The following ANXA3 variants were observed in gnomAD, a reference collection of about 807,000 sequenced individuals.
ANXA3 encodes annexin A3, also known as 35-alpha calcimedin.
In ANXA3, 46 loss-of-function variants were observed where a neutral mutation model predicts 48.8. The observed-to-expected ratio is 0.94, with a 90% CI of 0.74 to 1.21. The LOEUF (loss-of-function observed/expected upper bound fraction) is 1.21, where lower values mean the gene tolerates loss of function less well. ANXA3 is among the 50% of genes most tolerant of loss of function. ANXA3 has a pLI of 0.00. For synonymous variants in ANXA3, 128 were observed against 134.7 expected, an observed-to-expected ratio of 0.95 and a Z score of 0.35; for missense variants, 383 against 378.6, an observed-to-expected ratio of 1.01 and a Z score of -0.10.
chr4:78,563,563 C>T (rs1387164486), intron 2 of ANXA3, among the ~76,000 whole-genome samples: 1 of 152,058 alleles, frequency 6.6e-6, no homozygotes, highest in Non-Finnish European at 1.5e-5. Context: ...CAGAAGGTGC[C>T]GTATATGAAC....
At position 78,591,573 on chromosome 4, in the gene ANXA3, A is replaced by T; in HGVS notation, c.433A>T (p.Ser145Cys). 1 of 1,613,650 alleles carries T rather than the reference A, an allele frequency of 6.2e-7. No homozygotes were observed. Among genetic ancestry groups the T allele is most frequent in the Non-Finnish European group, 8.5e-7 (1 of 1,179,600 alleles). Residue 145 changes from serine to cysteine, a missense_variant, in exon 7 of 13, where the codon AGT becomes TGT. Ser to Cys is a moderately radical substitution (Grantham distance 112). Transcript: ENST00000264908. ...VYKKSLGDDISSETSGDFRKA... is the reference protein window; with the variant it reads ...VYKKSLGDDICSETSGDFRKA... ...CAAGAAGAGTCTTGGAGATGACATTAGTTCCGAAACATCTGGTGACTTCCG... is the reference window on the plus strand; with the variant it reads ...CAAGAAGAGTCTTGGAGATGACATTTGTTCCGAAACATCTGGTGACTTCCG...
Position 78,577,680 on chromosome 4 carries a change from G to A in ANXA3, c.104-1347G>A, listed in dbSNP as rs963009020. Among the ~76,000 whole-genome samples, 4 of 152,198 alleles carry A rather than the reference G, an allele frequency of 2.6e-5. No homozygotes were observed. The East Asian group carries it at 5.8e-4, about 22-fold the overall frequency. ...GATGTAAGCTGTGTACCACTGCCACGGAAGTGTGTAGATGAGGTCTGTGAG... is the reference window on the plus strand; with the variant it reads ...GATGTAAGCTGTGTACCACTGCCACAGAAGTGTGTAGATGAGGTCTGTGAG... On this transcript the variant is annotated intron_variant, in intron 3 of 12. Transcript: ENST00000264908.
intron 2 of ANXA3, among the ~76,000 whole-genome samples, chr4:78,565,150 C>T (rs898836505): frequency 7.9e-5 from 12 of 152,062 alleles, no homozygotes; most frequent in East Asian, 3.9e-4. Flanking sequence ...CCTGCCACCA[C>T]GCCTGGTTAA....
intron 7 of ANXA3, among the ~76,000 whole-genome samples, chr4:78,594,207 C>G (rs1471425710): frequency 6.6e-6 from 1 of 152,178 alleles, no homozygotes; most frequent in Non-Finnish European, 1.5e-5. Flanking sequence ...TAAGGTTCCT[C>G]TATGTCTTTT....
intron 7 of ANXA3, among the ~76,000 whole-genome samples, chr4:78,591,941 G>A (rs1190353160): frequency 6.6e-6 from 1 of 152,158 alleles, no homozygotes; most frequent in East Asian, 1.9e-4. Flanking sequence ...TCCATTATAA[G>A]TGTCTCCATT....
chr4:78,577,591 G>A (rs143315537), intron 3 of ANXA3, among the ~76,000 whole-genome samples: 2 of 152,270 alleles, frequency 1.3e-5, no homozygotes, highest in East Asian at 3.9e-4. Context: ...ACACAGAAAG[G>A]CAGCATCTTT....
chr4:78,577,267 T>G lies in ANXA3; in HGVS notation c.104-1760T>G, dbSNP rs139859097. Among the ~76,000 whole-genome samples, 4 of 152,208 alleles carry G rather than the reference T, an allele frequency of 2.6e-5. No individual in the cohort carries two copies. The East Asian group carries it at 7.7e-4, about 29-fold the overall frequency. On this transcript the variant is annotated intron_variant, in intron 3 of 12. Transcript: ENST00000264908. Reference sequence around the variant, plus strand: ...CGACAAATTTAAGAGATGCAGATAATTGCTATAATATAGAGAATAAGATAA... The same window carrying G: ...CGACAAATTTAAGAGATGCAGATAAGTGCTATAATATAGAGAATAAGATAA...
intron 5 of ANXA3, among the ~76,000 whole-genome samples, chr4:78,583,132 A>G (rs1263971960): frequency 2.0e-5 from 3 of 152,036 alleles, no homozygotes; most frequent in African/African-American, 7.2e-5. Flanking sequence ...TGAGCTCAGG[A>G]GTTTGAAATC....
intron 1 of ANXA3, chr4:78,553,868 C>A (rs1314828287): frequency 6.6e-6 from 1 of 152,170 alleles, no homozygotes; most frequent in Non-Finnish European, 1.5e-5. Flanking sequence ...GTCTGGCTTC[C>A]CAATCAAAGA....
rs190703045 is a variant in ANXA3 at position 78,584,427 on chromosome 4, C to T, written c.313-1833C>T. Reference sequence around the variant, plus strand: ...CCTGAGTCAAGCAATCCTCCTGCCTCGGCCTCTCAAAGTACTGGAATTACA... The same window carrying T: ...CCTGAGTCAAGCAATCCTCCTGCCTTGGCCTCTCAAAGTACTGGAATTACA... On this transcript the variant is annotated intron_variant, in intron 5 of 12. Coordinates refer to ENST00000264908, the MANE Select transcript of ANXA3 (RefSeq NM_005139.3). 1.2e-3 allele frequency among the ~76,000 whole-genome samples: 181 copies of T among 152,214 alleles called. 3 individuals are homozygous for T. The South Asian group carries it at 0.022, about 18-fold the overall frequency.
intron 3 of ANXA3, among the ~76,000 whole-genome samples, chr4:78,575,797 G>A (rs1051735123): frequency 2.6e-5 from 4 of 152,080 alleles, no homozygotes; most frequent in East Asian, 3.9e-4. Context: ...TTTCTATAAC[G>A]AAGTCATAAA....
intron 2 of ANXA3, among the ~76,000 whole-genome samples, chr4:78,569,645 G>A (rs1722805154): frequency 6.6e-6 from 1 of 152,192 alleles, no homozygotes; most frequent in South Asian, 2.1e-4. Flanking sequence ...CTGCATCCTG[G>A]CCCTGCAGTT....
intron 3 of ANXA3, among the ~76,000 whole-genome samples, chr4:78,575,666 T>C (rs1338519889): frequency 3.9e-5 from 6 of 152,220 alleles, no homozygotes; most frequent in African/African-American, 1.2e-4. Flanking sequence ...TATGTCTTTA[T>C]CAACAACGTG....
chr4:78,566,488 C>A (rs1343219945), intron 2 of ANXA3, among the ~76,000 whole-genome samples: 135 of 141,326 alleles, frequency 9.6e-4, no homozygotes, highest in African/African-American at 9.4e-4. Context: ...CACTCAGCCA[C>A]AAAAAAAAAA....
intron 2 of ANXA3, among the ~76,000 whole-genome samples, chr4:78,562,063 A>G (rs1722638035): frequency 6.6e-6 from 1 of 152,208 alleles, no homozygotes. Context: ...TAATCATGAT[A>G]AAACTATAGT....
At chr4:78,565,183 A>G (rs1447017142) in intron 2 of ANXA3, among the ~76,000 whole-genome samples, 1 of 152,016 alleles carries the variant, frequency 6.6e-6, no homozygotes, top group African/African-American at 2.4e-5. Flanking sequence ...TAGTAGAGGC[A>G]GAGTTTCATC....
At chr4:78,582,334 G>A in intron 5 of ANXA3, 44 bp downstream of exon 5, 1 of 1,387,514 alleles carries the variant, frequency 7.2e-7, no homozygotes, top group Non-Finnish European at 1.0e-6. Context: ...GTTTGACCAA[G>A]TCATCAAAAA....
At chr4:78,574,005 A>G (rs1340869359) in intron 3 of ANXA3, among the ~76,000 whole-genome samples, 11 of 152,282 alleles carry the variant, frequency 7.2e-5, no homozygotes, top group African/African-American at 1.9e-4. Flanking sequence ...TTTGCTAGTC[A>G]TGTGAAACTG....
At chr4:78,566,052 T>G (rs17003351) in intron 2 of ANXA3, among the ~76,000 whole-genome samples, 5,047 of 152,244 alleles carry the variant, frequency 0.033, 285 homozygotes, top group African/African-American at 0.11. Context: ...ATTGCGTATT[T>G]TATAGAGGTC....
Sources: gnomAD v4.1 joint callset for allele counts (sites outside exome capture counted in the v4.1 genomes callset) on GRCh38, gnomAD v4.1.1 for gene constraint, MANE v1.5 for transcripts, NCBI Gene and HGNC (gene_info 2026-07-23, HGNC 2026-07-21) for gene names.